Variants in HS2ST1 observed in about 807,000 individuals in gnomAD.
The protein encoded by HS2ST1 is 2-O-sulfotransferase.
HS2ST1 carries 18 observed loss-of-function variants against 42.9 expected under a neutral mutation model. That is an observed-to-expected ratio of 0.42 (90% CI 0.29 to 0.62). The LOEUF is 0.62. Ranked by LOEUF, HS2ST1 falls within the 20% of genes least tolerant of loss-of-function variation. HS2ST1 has a pLI of 0.21. For synonymous variants in HS2ST1, 146 were observed against 152.9 expected (o/e 0.95, Z 0.33); for missense variants, 334 against 433.8 (o/e 0.77, Z 2.04).
chr1:87,003,700 A>G (rs1649353828), intron 1 of HS2ST1, among the ~76,000 whole-genome samples: 1 of 96,386 alleles, frequency 1.0e-5, no homozygotes, highest in South Asian at 4.6e-4. Flanking sequence ...TGTACTGAAG[A>G]TGTACAGACT....
chr1:86,923,184 T>A (rs904574172), intron 1 of HS2ST1, among the ~76,000 whole-genome samples: 1 of 152,138 alleles, frequency 6.6e-6, no homozygotes, highest in Non-Finnish European at 1.5e-5. Context: ...TTAATATAGG[T>A]CTTTAAAAAA....
chr1:87,065,197 A>G (rs1651218373), intron 1 of HS2ST1, among the ~76,000 whole-genome samples: 1 of 152,222 alleles, frequency 6.6e-6, no homozygotes, highest in South Asian at 2.1e-4. Context: ...TTTATGGGGA[A>G]TGAGTTACAC....
chr1:87,073,193 G>C (rs1651460601), intron 2 of HS2ST1, 21 bp downstream of exon 2: 3 of 1,493,886 alleles, frequency 2.0e-6, no homozygotes, highest in Non-Finnish European at 9.3e-7. Context: ...CTTAAGGAAT[G>C]CCCAAATATT....
chr1:86,927,039 G>A (rs1380354578), intron 1 of HS2ST1, among the ~76,000 whole-genome samples: 2 of 152,174 alleles, frequency 1.3e-5, no homozygotes, highest in African/African-American at 2.4e-5. Flanking sequence ...TCTGGCTCCA[G>A]AAGAGGTTTT....
chr1:86,918,194 T>A (rs565772167), intron 1 of HS2ST1, among the ~76,000 whole-genome samples: 2 of 152,196 alleles, frequency 1.3e-5, no homozygotes, highest in South Asian at 4.1e-4. Context: ...ACTTGGGAAA[T>A]TCACTAATTA....
chr1:86,999,029 C>G (rs1007938528), intron 1 of HS2ST1, among the ~76,000 whole-genome samples: 2 of 151,992 alleles, frequency 1.3e-5, no homozygotes, highest in Admixed American at 1.3e-4. Context: ...AGTGCTTATA[C>G]TTCATCTAGT....
chr1:87,051,755 A>G (rs1650837709), intron 1 of HS2ST1, among the ~76,000 whole-genome samples: 1 of 152,206 alleles, frequency 6.6e-6, no homozygotes, highest in Non-Finnish European at 1.5e-5. Context: ...CTAGTAAAGA[A>G]TTGTAGTTTA....
chr1:86,923,981 A>G (rs550479199), intron 1 of HS2ST1, among the ~76,000 whole-genome samples: 23 of 152,304 alleles, frequency 1.5e-4, no homozygotes, highest in Non-Finnish European at 2.8e-4. Context: ...CCACAGTCCA[A>G]AGTCTCATCT....
intron 2 of HS2ST1, among the ~76,000 whole-genome samples, chr1:87,081,425 C>T (rs1028659323): frequency 4.6e-5 from 7 of 152,128 alleles, no homozygotes; most frequent in African/African-American, 1.2e-4. Flanking sequence ...AATTAAACAA[C>T]GTGCTCCTGA....
chr1:86,941,641 GC>G (rs1459696703), intron 1 of HS2ST1, among the ~76,000 whole-genome samples: 1 of 151,936 alleles, frequency 6.6e-6, no homozygotes, highest in African/African-American at 2.4e-5. Context: ...GGGCATTGTG[GC>G]GGGTGTCTGT....
intron 2 of HS2ST1, among the ~76,000 whole-genome samples, chr1:87,081,014 T>G (rs1419484905): frequency 6.6e-6 from 1 of 152,154 alleles, no homozygotes; most frequent in East Asian, 1.9e-4. Context: ...GAATATAAAA[T>G]TTTTAAACAT....
chr1:87,077,397 A>C (rs1214459609), intron 2 of HS2ST1, among the ~76,000 whole-genome samples: 1 of 152,136 alleles, frequency 6.6e-6, no homozygotes, highest in Non-Finnish European at 1.5e-5. Flanking sequence ...AGGCCTCCGC[A>C]CTTATCCTTT....
chr1:86,915,231 G>T lies in HS2ST1; in HGVS notation c.124+71G>T. ...AGGAGGCGCTGCCGCCGGAGCAAGTGGGCGTTCATCTAACCTGGGGTCTGG... is the reference window on the plus strand; with the variant it reads ...AGGAGGCGCTGCCGCCGGAGCAAGTTGGCGTTCATCTAACCTGGGGTCTGG... On this transcript the variant is annotated intron_variant, in intron 1 of 6. Coordinates refer to ENST00000370550, the MANE Select transcript of HS2ST1 (RefSeq NM_012262.4). 3.9e-6 allele frequency: 6 copies of T among 1,534,630 alleles called. No homozygotes were observed. The South Asian group carries it at 6.2e-5, about 16-fold the overall frequency.
At chr1:87,011,543 G>A (rs189540872) in intron 1 of HS2ST1, among the ~76,000 whole-genome samples, 1 of 152,234 alleles carries the variant, frequency 6.6e-6, no homozygotes, top group Admixed American at 6.5e-5. Flanking sequence ...GTGCCCAGCT[G>A]TTCCCCAGTA....
rs939643020 is a variant in HS2ST1 at position 87,080,020 on chromosome 1, G to A, written c.364-4174G>A. Among the ~76,000 whole-genome samples the A allele has an allele frequency of 3.9e-5, 6 of 152,060 alleles. No homozygotes were observed. In the East Asian group the frequency reaches 7.7e-4, roughly 20 times the overall value. ...TTATGATCATGCCACTGTGCTGTCCGGCATGAGTGACAGAATGAGATTCTG... is the reference window on the plus strand; with the variant it reads ...TTATGATCATGCCACTGTGCTGTCCAGCATGAGTGACAGAATGAGATTCTG... On this transcript the variant is annotated intron_variant, in intron 2 of 6. Transcript: ENST00000370550.
intron 1 of HS2ST1, among the ~76,000 whole-genome samples, chr1:86,946,761 A>G (rs1647353849): frequency 6.6e-6 from 1 of 152,242 alleles, no homozygotes; most frequent in African/African-American, 2.4e-5. Context: ...TAATGCACAT[A>G]GCATTGCAGA....
intron 1 of HS2ST1, among the ~76,000 whole-genome samples, chr1:86,954,259 G>C (rs1028348816): frequency 1.3e-5 from 2 of 151,866 alleles, no homozygotes; most frequent in Admixed American, 1.3e-4. Flanking sequence ...TGAGGCAGGA[G>C]AATCACTTGA....
intron 1 of HS2ST1, among the ~76,000 whole-genome samples, chr1:86,969,465 T>A (rs1292439348): frequency 6.6e-6 from 1 of 152,162 alleles, no homozygotes; most frequent in Non-Finnish European, 1.5e-5. Flanking sequence ...TTCATGTAAT[T>A]CATTTCAGCG....
At chr1:87,098,068 A>G (rs111320151) in intron 5 of HS2ST1, 133 bp downstream of exon 5, 4 of 1,457,616 alleles carry the variant, frequency 2.7e-6, no homozygotes, top group South Asian at 2.9e-5. Flanking sequence ...ATTCAGTAAT[A>G]TCTAGTTTTG....
Sources: gnomAD v4.1 joint callset for allele counts (sites outside exome capture counted in the v4.1 genomes callset) on GRCh38, gnomAD v4.1.1 for gene constraint, MANE v1.5 for transcripts, NCBI Gene and HGNC (gene_info 2026-07-23, HGNC 2026-07-21) for gene names.